Variants in KIF14 observed in about 807,000 individuals in gnomAD.
KIF14 encodes kinesin-like protein KIF14.
Under a neutral mutation model 176.2 loss-of-function variants are expected in KIF14, and 98 were observed. That is an observed-to-expected ratio of 0.56 (90% confidence interval 0.47 to 0.66). The LOEUF is 0.66. Among genes scored for constraint, KIF14 ranks in the 30% least tolerant of loss-of-function variants. The pLI is 0.00. For synonymous variants in KIF14, 566 were observed against 632.2 expected, an observed-to-expected ratio of 0.90 and a Z score of 1.57; for missense variants, 1,751 against 1,920.4, an observed-to-expected ratio of 0.91 and a Z score of 1.65.
At position 200,603,207 on chromosome 1, in the gene KIF14, T is replaced by C. The variant is rs1659708947; in HGVS notation, c.1979+19A>G. 2.2e-6 allele frequency: 3 copies of C among 1,379,346 alleles called. No homozygotes were observed. The highest frequency in any genetic ancestry group is 2.8e-5 in the African/African-American group (2 of 70,242). 85.4% of individuals were successfully genotyped at this position (1,379,346 alleles called of 1,614,324 possible). On this transcript the variant is annotated intron_variant, in intron 10 of 29. Coordinates refer to ENST00000367350, the MANE Select transcript of KIF14 (RefSeq NM_014875.3). ...TCACTATATTTTATACAATTCTTTA[T>C]ACTTCAAAAGATACTTGCCATGTAA...
rs1204379750 is a variant in KIF14 at position 200,576,394 on chromosome 1, C to T, written c.3466-703G>A. Among the ~76,000 whole-genome samples the T allele has an allele frequency of 2.0e-5, 3 of 149,384 alleles. No individual in the cohort carries two copies. The Admixed American group carries it at 2.0e-4, about 10-fold the overall frequency. On this transcript the variant is annotated intron_variant, in intron 21 of 29. Transcript: ENST00000367350. ...TCGGGAGGCTGAGGCAAGAGAATGGCGTGAACCCGGGAGGCGGAGCTTGCA... is the reference window on the plus strand; with the variant it reads ...TCGGGAGGCTGAGGCAAGAGAATGGTGTGAACCCGGGAGGCGGAGCTTGCA...
rs531287031 is a variant in KIF14, at chr1:200,586,102, T to A, written c.3240A>T (p.Thr1080=). 1.2e-5 allele frequency: 18 copies of A among 1,547,426 alleles called. No individual in the cohort carries two copies. In the East Asian group the frequency reaches 1.6e-4, roughly 14 times the overall value. ...QNRNNRDKTF[T]VQTTWSSMKL... is the part of the protein sequence containing the mutation. ...TTGCTAAAATCAGCACACACTTACCTGTAAAAGTTTTATCCCTATTATTCC... is the reference window on the plus strand; with the variant it reads ...TTGCTAAAATCAGCACACACTTACCAGTAAAAGTTTTATCCCTATTATTCC... Residue 1080 remains threonine, a splice_region_variant and synonymous_variant, in exon 19 of 30, where the codon ACA becomes ACT. Coordinates refer to ENST00000367350, the MANE Select transcript of KIF14 (RefSeq NM_014875.3).
chr1:200,611,949 G>A (rs1660175919), intron 4 of KIF14, among the ~76,000 whole-genome samples: 1 of 151,948 alleles, frequency 6.6e-6, no homozygotes, highest in African/African-American at 2.4e-5. Context: ...TTCTACTGCA[G>A]TGATGAAGCT....
intron 1 of KIF14, among the ~76,000 whole-genome samples, chr1:200,620,160 C>G (rs1171420918): frequency 6.6e-6 from 1 of 152,150 alleles, no homozygotes; most frequent in Admixed American, 6.5e-5. Flanking sequence ...AACGTTTCAA[C>G]TCAAAATACA....
Position 200,575,543 on chromosome 1 carries a change from A to G in KIF14, c.3566+48T>C, listed in dbSNP as rs954976895. 10 of 953,954 alleles carry G rather than the reference A, an allele frequency of 1.0e-5. No individual in the cohort carries two copies. The African/African-American group carries it at 1.5e-4, about 14-fold the overall frequency. The allele number at this position is 953,954 out of a possible 1,614,324, so 59.1% of individuals were successfully genotyped here. A position where few individuals can be genotyped will look rare whatever the true frequency, so the allele number is the denominator to read the frequency against. On this transcript the variant is annotated intron_variant, in intron 22 of 29. Coordinates refer to ENST00000367350, the MANE Select transcript of KIF14 (RefSeq NM_014875.3). ...AATTTACACACACACACACACACAC[A>G]CATGCACACACAAAGTGCAAGAAAA...
chr1:200,606,267 G>A (rs1379409402), intron 6 of KIF14, among the ~76,000 whole-genome samples: 1 of 152,092 alleles, frequency 6.6e-6, no homozygotes, highest in African/African-American at 2.4e-5. Context: ...ATGCAGCTGA[G>A]TTAATACTTA....
intron 13 of KIF14, among the ~76,000 whole-genome samples, 154 bp downstream of exon 13, chr1:200,599,896 T>C (rs562079989): frequency 1.3e-5 from 2 of 152,352 alleles, no homozygotes; most frequent in Admixed American, 6.5e-5. Flanking sequence ...TAACATTTCT[T>C]TATATTAATT....
At chr1:200,619,706 G>C (rs1334655367) in intron 1 of KIF14, among the ~76,000 whole-genome samples, 1 of 152,184 alleles carries the variant, frequency 6.6e-6, no homozygotes, top group Non-Finnish European at 1.5e-5. Flanking sequence ...TTGGTGTCAC[G>C]AGGCAGATTA....
At chr1:200,580,986 A>ACCCAGTAAT (rs1463297471) in intron 20 of KIF14, among the ~76,000 whole-genome samples, 3 of 151,630 alleles carry the variant, frequency 2.0e-5, no homozygotes, top group Non-Finnish European at 4.4e-5. Flanking sequence ...GGCGCACACC[A>ACCCAGTAAT]CCCAGTAATC....
At chr1:200,555,847 T>C (rs557041417) in intron 27 of KIF14, among the ~76,000 whole-genome samples, 1 of 152,340 alleles carries the variant, frequency 6.6e-6, no homozygotes, top group South Asian at 2.1e-4. Flanking sequence ...CCTGTATTCA[T>C]TAATAATTTC....
chr1:200,563,878 T>G (rs2102585773), intron 25 of KIF14, among the ~76,000 whole-genome samples: 1 of 152,292 alleles, frequency 6.6e-6, no homozygotes, highest in South Asian at 2.1e-4. Flanking sequence ...CTCATGATAC[T>G]TGCAGCTAGA....
intron 4 of KIF14, among the ~76,000 whole-genome samples, chr1:200,611,789 C>T (rs1008239481): frequency 4.6e-5 from 7 of 152,158 alleles, no homozygotes; most frequent in African/African-American, 1.7e-4. Context: ...TAGTTGGGCT[C>T]ACTATGTGCC....
intron 15 of KIF14, among the ~76,000 whole-genome samples, chr1:200,593,403 CCTGT>C (rs759341666): frequency 6.6e-6 from 1 of 152,170 alleles, no homozygotes; most frequent in African/African-American, 2.4e-5. Flanking sequence ...GGATTTCAAC[CCTGT>C]CTGTCTGATT....
intron 19 of KIF14, 78 bp downstream of exon 19, chr1:200,586,023 T>C: frequency 9.7e-7 from 1 of 1,029,514 alleles, no homozygotes; most frequent in South Asian, 2.7e-5. Context: ...AGGCAACTAA[T>C]GCTAATATTT....
At chr1:200,558,880 A>G (rs1267104070) in intron 27 of KIF14, among the ~76,000 whole-genome samples, 1 of 152,198 alleles carries the variant, frequency 6.6e-6, no homozygotes, top group Non-Finnish European at 1.5e-5. Context: ...AATCACTGAA[A>G]TGCTTATTGG....
intron 16 of KIF14, among the ~76,000 whole-genome samples, chr1:200,591,666 C>A (rs1387383633): frequency 6.6e-6 from 1 of 152,196 alleles, no homozygotes; most frequent in East Asian, 1.9e-4. Flanking sequence ...TTCTAATCGT[C>A]TATTGGGATT....
At chr1:200,606,829 A>G in intron 5 of KIF14, 31 bp from the exon 6 acceptor site, 4 of 1,529,624 alleles carry the variant, frequency 2.6e-6, no homozygotes, top group Non-Finnish European at 3.6e-6. Flanking sequence ...CATCATTAGG[A>G]GTATGACAAA....
chr1:200,586,798 T>C (rs200463337), intron 18 of KIF14, among the ~76,000 whole-genome samples: 24 of 34,434 alleles, frequency 7.0e-4, no homozygotes, highest in East Asian at 1.9e-3. Context: ...TACATATATA[T>C]ATATATATAT....
intron 23 of KIF14, 94 bp from the exon 24 acceptor site, chr1:200,565,763 T>C: frequency 9.0e-6 from 7 of 780,178 alleles, no homozygotes; most frequent in Non-Finnish European, 1.2e-5. Flanking sequence ...TACTTCTGCA[T>C]TACTGAAATG....
Sources: gnomAD v4.1 joint callset for allele counts (sites outside exome capture counted in the v4.1 genomes callset) on GRCh38, gnomAD v4.1.1 for gene constraint, MANE v1.5 for transcripts, NCBI Gene and HGNC (gene_info 2026-07-23, HGNC 2026-07-21) for gene names.